TASP1: variants seen among roughly 807,000 people sequenced by gnomAD.
The protein encoded by TASP1 is taspase 1.
Under a neutral mutation model 56.6 loss-of-function variants are expected in TASP1, and 16 were observed. That is an observed-to-expected ratio of 0.28 (90% confidence interval 0.19 to 0.43). TASP1 has a LOEUF of 0.43. Ranked by LOEUF, TASP1 falls within the 20% of genes least tolerant of loss-of-function variation. The pLI, the probability that TASP1 is intolerant of heterozygous loss-of-function variation, is 1.00. For synonymous variants in TASP1, 179 were observed against 184.2 expected (o/e 0.97, Z 0.23); for missense variants, 393 against 511.6 (o/e 0.77, Z 2.24).
the TASP1 span, among the ~76,000 whole-genome samples, chr20:13,141,651 C>A: frequency 6.6e-6 from 1 of 152,214 alleles, no homozygotes; most frequent in East Asian, 1.9e-4. Flanking sequence ...GAGCTAGCTT[C>A]TGATTTCTAA....
the TASP1 span, among the ~76,000 whole-genome samples, chr20:13,381,790 C>T: frequency 2.0e-5 from 3 of 152,200 alleles, no homozygotes; most frequent in Non-Finnish European, 2.9e-5. Flanking sequence ...GGGTGCTGGG[C>T]AGGGCGGTAG....
the TASP1 span, among the ~76,000 whole-genome samples, chr20:13,238,408 AT>A: frequency 6.6e-6 from 1 of 152,184 alleles, no homozygotes; most frequent in East Asian, 1.9e-4. Context: ...CCCATTACTC[AT>A]TAACTTATTT....
intron 13 of TASP1, among the ~76,000 whole-genome samples, chr20:13,400,982 G>C (rs2041717150): frequency 6.6e-6 from 1 of 152,158 alleles, no homozygotes; most frequent in South Asian, 2.1e-4. Flanking sequence ...ACTTGATTAG[G>C]GTTCAAAATC....
chr20:13,138,971 T>G, the TASP1 span, among the ~76,000 whole-genome samples: 45 of 152,306 alleles, frequency 3.0e-4, no homozygotes, highest in African/African-American at 1.0e-3. Flanking sequence ...TGTATTTGAC[T>G]TTTTCATACA....
chr20:13,262,823 C>G, the TASP1 span, among the ~76,000 whole-genome samples: 1 of 152,184 alleles, frequency 6.6e-6, no homozygotes, highest in African/African-American at 2.4e-5. Flanking sequence ...AGCTCCCTAC[C>G]CAAATGCAAA....
At chr20:13,288,556 G>C in the TASP1 span, 1 of 1,613,872 alleles carries the variant, frequency 6.2e-7, no homozygotes, top group African/African-American at 1.3e-5. Flanking sequence ...CAGATGGCGA[G>C]GGTGACTGGA....
At chr20:13,590,360 G>T (rs1315910327) in intron 4 of TASP1, among the ~76,000 whole-genome samples, 1 of 152,124 alleles carries the variant, frequency 6.6e-6, no homozygotes, top group African/African-American at 2.4e-5. Context: ...ACACATGTTG[G>T]GAAGGATGTA....
chr20:13,247,365 G>A, the TASP1 span, among the ~76,000 whole-genome samples: 2 of 152,146 alleles, frequency 1.3e-5, no homozygotes, highest in African/African-American at 4.8e-5. Flanking sequence ...AAGTGTCAGC[G>A]TGTCCCTTCC....
chr20:13,251,881 A>T, the TASP1 span, among the ~76,000 whole-genome samples: 1 of 152,208 alleles, frequency 6.6e-6, no homozygotes, highest in African/African-American at 2.4e-5. Context: ...GACTCTGGTT[A>T]AAAATGGGTT....
At chr20:13,301,017 A>G in the TASP1 span, among the ~76,000 whole-genome samples, 1 of 152,234 alleles carries the variant, frequency 6.6e-6, no homozygotes, top group Non-Finnish European at 1.5e-5. Flanking sequence ...TGAGAAAATC[A>G]AAGCTCAGAA....
chr20:13,145,871 C>A, the TASP1 span, among the ~76,000 whole-genome samples: 1 of 152,082 alleles, frequency 6.6e-6, no homozygotes, highest in African/African-American at 2.4e-5. Flanking sequence ...ACAAACTTGA[C>A]AAAAACAAGT....
At chr20:13,625,565 C>T (rs2048860188) in intron 2 of TASP1, among the ~76,000 whole-genome samples, 1 of 152,206 alleles carries the variant, frequency 6.6e-6, no homozygotes. Flanking sequence ...TGATCTGCAG[C>T]TAATAACCCA....
the TASP1 span, among the ~76,000 whole-genome samples, chr20:13,142,761 C>G: frequency 6.6e-6 from 1 of 152,170 alleles, no homozygotes; most frequent in Non-Finnish European, 1.5e-5. Flanking sequence ...AGAATCCAGT[C>G]TTTTGGGGCT....
At chr20:13,524,953 T>C (rs2044915206) in intron 10 of TASP1, among the ~76,000 whole-genome samples, 1 of 152,164 alleles carries the variant, frequency 6.6e-6, no homozygotes, top group Admixed American at 6.6e-5. Context: ...CATAGAAAGG[T>C]ATGGAAATGG....
At chr20:13,431,835 T>C (rs2042819503) in intron 12 of TASP1, among the ~76,000 whole-genome samples, 1 of 152,112 alleles carries the variant, frequency 6.6e-6, no homozygotes, top group Non-Finnish European at 1.5e-5. Flanking sequence ...TATAAGAAGA[T>C]GAAGAGAGAC....
the TASP1 span, among the ~76,000 whole-genome samples, chr20:13,284,919 G>A: frequency 6.6e-6 from 1 of 152,206 alleles, no homozygotes; most frequent in Non-Finnish European, 1.5e-5. Context: ...TTCAGAGTCT[G>A]GCAGCTGTCT....
rs191824656 is a variant in TASP1, at chr20:13,581,119, T to C, written c.404-138A>G. Reference sequence around the variant, plus strand: ...TTTTCGATATATCAAATAATACTAATGAAAACCCTTAATAACCATGAGCAA... The same window carrying C: ...TTTTCGATATATCAAATAATACTAACGAAAACCCTTAATAACCATGAGCAA... On this transcript the variant is annotated intron_variant, in intron 5 of 13. Transcript: ENST00000337743. 147 of 674,958 alleles carry C rather than the reference T, an allele frequency of 2.2e-4. No homozygotes were observed. The African/African-American group carries it at 2.3e-3, about 10-fold the overall frequency. The allele number at this position is 674,958 out of a possible 1,614,324, so 41.8% of individuals were successfully genotyped here.
At chr20:13,499,433 CT>C (rs1327129394) in intron 10 of TASP1, among the ~76,000 whole-genome samples, 1 of 149,704 alleles carries the variant, frequency 6.7e-6, no homozygotes, top group Non-Finnish European at 1.5e-5. Context: ...CACGTACCCC[CT>C]GAATCTAAAA....
the TASP1 span, chr20:13,239,601 T>C: frequency 6.6e-6 from 1 of 152,102 alleles, no homozygotes; most frequent in Non-Finnish European, 1.5e-5. Flanking sequence ...TACACAAGGG[T>C]CACTGCACAT....
Sources: allele counts gnomAD v4.1 joint callset (sites outside exome capture counted in the v4.1 genomes callset), GRCh38; gene constraint gnomAD v4.1.1; transcripts MANE v1.5; gene names NCBI Gene and HGNC (gene_info 2026-07-23, HGNC 2026-07-21).